The following NME7 variants were observed in gnomAD, a reference collection of about 807,000 sequenced individuals.
The protein encoded by NME7 is nucleoside diphosphate kinase 7.
In NME7, 41 loss-of-function variants were observed where a neutral mutation model predicts 49.1. The ratio of observed to expected loss-of-function variants is 0.83; its 90% CI spans 0.65 to 1.08. The LOEUF is 1.08. Among genes scored for constraint, NME7 ranks in the 50% least tolerant of loss-of-function variants. The probability of loss-of-function intolerance (pLI) is 0.00; values close to 1 mark genes in which losing one functional copy is unlikely to be tolerated. For synonymous variants in NME7, 139 were observed against 150.6 expected (o/e 0.92, Z 0.56); for missense variants, 423 against 463.4 (o/e 0.91, Z 0.80).
chr1:169,228,632 G>A (rs1647447779), intron 10 of NME7, among the ~76,000 whole-genome samples: 1 of 147,920 alleles, frequency 6.8e-6, no homozygotes, highest in Admixed American at 6.8e-5. Flanking sequence ...AGCCGAGATT[G>A]CGCCACTGCA....
chr1:169,362,859 T>C (rs1653710219), intron 1 of NME7, among the ~76,000 whole-genome samples: 1 of 152,224 alleles, frequency 6.6e-6, no homozygotes, highest in African/African-American at 2.4e-5. Context: ...AAGCTGTATC[T>C]GCCATACAAC....
chr1:169,237,696 G>C lies in NME7; in HGVS notation c.755-9C>G. 1.9e-6 allele frequency: 3 copies of C among 1,600,282 alleles called. No individual in the cohort carries two copies. On this transcript the variant is annotated splice_polypyrimidine_tract_variant and intron_variant, in intron 7 of 11. Coordinates refer to ENST00000367811, the MANE Select transcript of NME7 (RefSeq NM_013330.5). Reference sequence around the variant, plus strand: ...GATCTTTCCCAACAGTCCTGAAAATGAAGGACAATGAGTGAAAAAATACAA... The same window carrying C: ...GATCTTTCCCAACAGTCCTGAAAATCAAGGACAATGAGTGAAAAAATACAA...
At chr1:169,232,820 C>T (rs1163736435) in intron 9 of NME7, among the ~76,000 whole-genome samples, 2 of 151,166 alleles carry the variant, frequency 1.3e-5, no homozygotes, top group Non-Finnish European at 2.9e-5. Context: ...CTATACAAAG[C>T]AACAGTAAAC....
At chr1:169,219,248 C>A (rs12122348) in intron 10 of NME7, among the ~76,000 whole-genome samples, 37,235 of 152,032 alleles carry the variant, frequency 0.24, 5,531 homozygotes, top group Non-Finnish European at 0.34. Context: ...CAAAGTCAAC[C>A]AACCACGGAT....
At chr1:169,218,169 G>A (rs1661026429) in intron 10 of NME7, among the ~76,000 whole-genome samples, 1 of 151,984 alleles carries the variant, frequency 6.6e-6, no homozygotes, top group Non-Finnish European at 1.5e-5. Context: ...TATTTCTTAT[G>A]TAGAACAGTT....
chr1:169,174,685 G>A (rs12125921), intron 10 of NME7, among the ~76,000 whole-genome samples: 56,393 of 151,902 alleles, frequency 0.37, 11,028 homozygotes, highest in East Asian at 0.73. Flanking sequence ...GTAGGCAACT[G>A]TAACACAATG....
intron 1 of NME7, among the ~76,000 whole-genome samples, chr1:169,341,491 C>T (rs1004500200): frequency 2.6e-5 from 4 of 152,200 alleles, no homozygotes; most frequent in Non-Finnish European, 4.4e-5. Context: ...TCAGGGTGCC[C>T]ACACAGAGTC....
At chr1:169,145,229 T>A (rs1320964) in intron 11 of NME7, among the ~76,000 whole-genome samples, 2 of 152,162 alleles carry the variant, frequency 1.3e-5, no homozygotes, top group East Asian at 3.9e-4. Context: ...CGGTTTTTAT[T>A]CATTTACTCA....
At chr1:169,286,137 T>C (rs1033138571) in intron 7 of NME7, 2 of 152,272 alleles carry the variant, frequency 1.3e-5, no homozygotes, top group East Asian at 3.9e-4. Flanking sequence ...CAACAGCCTA[T>C]AGACCTACAT....
intron 10 of NME7, among the ~76,000 whole-genome samples, chr1:169,195,477 T>C (rs1184563378): frequency 6.6e-6 from 1 of 152,162 alleles, no homozygotes; most frequent in South Asian, 2.1e-4. Context: ...CCTTCCAAAG[T>C]ACTGGGATTA....
chr1:169,193,770 T>C (rs778624348), intron 10 of NME7, among the ~76,000 whole-genome samples: 3 of 152,014 alleles, frequency 2.0e-5, no homozygotes, highest in Non-Finnish European at 2.9e-5. Context: ...ACATGTCTGA[T>C]TGGAATAGGG....
chr1:169,291,664 A>G lies in NME7; in HGVS notation c.649-4256T>C, dbSNP rs1038911177. 5.9e-5 allele frequency among the ~76,000 whole-genome samples: 9 copies of G among 151,854 alleles called. No individual in the cohort carries two copies. In the East Asian group the frequency reaches 1.7e-3, roughly 29 times the overall value. On this transcript the variant is annotated intron_variant, in intron 6 of 11. Transcript: ENST00000367811. ...CTTAAAGTATAATAATAATAATAAT[A>G]ATAATAAAAAGAAATAGACACAGCC...
chr1:169,167,815 A>T (rs767746730), intron 11 of NME7, among the ~76,000 whole-genome samples: 1 of 152,352 alleles, frequency 6.6e-6, no homozygotes, highest in East Asian at 1.9e-4. Flanking sequence ...TCATTTATAC[A>T]ACACATGTGT....
At chr1:169,188,420 T>C in intron 10 of NME7, among the ~76,000 whole-genome samples, 1 of 152,324 alleles carries the variant, frequency 6.6e-6, no homozygotes, top group South Asian at 2.1e-4. Flanking sequence ...CAATCACGTC[T>C]ATGCAACAAA....
intron 4 of NME7, 127 bp downstream of exon 4, chr1:169,309,843 A>G (rs74121613): frequency 3.4e-6 from 2 of 592,480 alleles, no homozygotes. Flanking sequence ...ATTTTGGTTA[A>G]GTTACTATTC....
chr1:169,220,148 T>G (rs10800419), intron 10 of NME7, among the ~76,000 whole-genome samples: 2 of 151,946 alleles, frequency 1.3e-5, no homozygotes, highest in Non-Finnish European at 2.9e-5. Context: ...ACTTAATACC[T>G]CTACCTGTAA....
intron 1 of NME7, among the ~76,000 whole-genome samples, chr1:169,334,437 A>G (rs1429325374): frequency 2.0e-5 from 3 of 152,224 alleles, no homozygotes; most frequent in Admixed American, 6.5e-5. Flanking sequence ...ATCTTTGACA[A>G]ACCTGACAAA....
intron 10 of NME7, among the ~76,000 whole-genome samples, chr1:169,180,084 G>C (rs1659882472): frequency 6.6e-6 from 1 of 151,988 alleles, no homozygotes; most frequent in African/African-American, 2.4e-5. Flanking sequence ...ATAAAATTTA[G>C]GTTTATTTGT....
chr1:169,238,318 T>C (rs1647940839), intron 7 of NME7, among the ~76,000 whole-genome samples: 1 of 151,106 alleles, frequency 6.6e-6, no homozygotes, highest in Non-Finnish European at 1.5e-5. Flanking sequence ...ACATGAGGAA[T>C]ATAGTCTTTA....
Sources: gnomAD v4.1 joint callset for allele counts (sites outside exome capture counted in the v4.1 genomes callset) on GRCh38, gnomAD v4.1.1 for gene constraint, MANE v1.5 for transcripts, NCBI Gene and HGNC (gene_info 2026-07-23, HGNC 2026-07-21) for gene names.